The following PACSIN2 variants were observed in gnomAD, a reference collection of about 807,000 sequenced individuals.
PACSIN2 encodes the protein protein kinase C and casein kinase substrate in neurons protein 2.
Under a neutral mutation model 63.8 loss-of-function variants are expected in PACSIN2, and 25 were observed. That is an observed-to-expected ratio of 0.39 (90% CI 0.29 to 0.55). PACSIN2 has a LOEUF of 0.55. Ranked by LOEUF, PACSIN2 falls within the 20% of genes least tolerant of loss-of-function variation. The probability of loss-of-function intolerance (pLI) is 0.62; values close to 1 mark genes in which losing one functional copy is unlikely to be tolerated. For synonymous variants in PACSIN2, 255 were observed against 256.2 expected (o/e 1.00, Z 0.05); for missense variants, 518 against 646.9 (o/e 0.80, Z 2.16).
In PACSIN2 at chr22:42,972,511, A is replaced by AAT. The variant is rs149497437; in HGVS notation, c.-78+42508_-78+42509dup. Among the ~76,000 whole-genome samples, 413 of 150,846 alleles carry AAT rather than the reference A, an allele frequency of 2.7e-3. 3 individuals carry two copies. Among genetic ancestry groups the AAT allele is most frequent in the Non-Finnish European group, 3.8e-3 (256 of 67,592 alleles). On this transcript the variant is annotated intron_variant, in intron 1 of 10. Transcript: ENST00000263246. ...ACCCAAGAATCATCAATAAATACTA[A>AAT]ATATATATATATATATTTTAAACCA...
At chr22:42,899,713 C>T (rs1227245520) in intron 2 of PACSIN2, among the ~76,000 whole-genome samples, 2 of 152,176 alleles carry the variant, frequency 1.3e-5, no homozygotes, top group African/African-American at 4.8e-5. Flanking sequence ...AGAAGTGTTC[C>T]CTTTGGTCCC....
intron 1 of PACSIN2, among the ~76,000 whole-genome samples, chr22:42,927,925 T>TC (rs763038061): frequency 3.3e-5 from 5 of 152,100 alleles, no homozygotes; most frequent in Non-Finnish European, 5.9e-5. Flanking sequence ...CATGTCATGG[T>TC]CCCATACTCC....
chr22:42,924,365 A>G (rs913441541), intron 1 of PACSIN2, among the ~76,000 whole-genome samples: 33 of 152,232 alleles, frequency 2.2e-4, no homozygotes, highest in African/African-American at 7.9e-4. Context: ...AGAACATATT[A>G]ATTTCATACT....
intron 2 of PACSIN2, among the ~76,000 whole-genome samples, chr22:42,902,276 C>T (rs1569245525): frequency 6.6e-6 from 1 of 152,226 alleles, no homozygotes; most frequent in Non-Finnish European, 1.5e-5. Context: ...CGCTTTCTCA[C>T]AGCTGAGGAA....
intron 1 of PACSIN2, among the ~76,000 whole-genome samples, chr22:42,920,934 C>T (rs760958763): frequency 6.6e-6 from 1 of 151,374 alleles, no homozygotes; most frequent in Non-Finnish European, 1.5e-5. Context: ...TCCCCAGTAG[C>T]TAGAACCACA....
At chr22:42,975,775 G>C (rs886480367) in intron 1 of PACSIN2, among the ~76,000 whole-genome samples, 1 of 151,938 alleles carries the variant, frequency 6.6e-6, no homozygotes, top group African/African-American at 2.4e-5. Context: ...CCAGCTAGGA[G>C]GTTGGCTCCC....
rs117935950 is a variant in PACSIN2 at position 42,942,072 on chromosome 22, C to T, written c.-77-29915G>A. Among the ~76,000 whole-genome samples, 662 of 150,458 alleles carry T rather than the reference C, an allele frequency of 4.4e-3. 1 individual carries two copies. Among genetic ancestry groups the T allele is most frequent in the Non-Finnish European group, 7.2e-3 (487 of 67,712 alleles). On this transcript the variant is annotated intron_variant, in intron 1 of 10. Transcript: ENST00000263246. Reference sequence around the variant, plus strand: ...GATTACAGGAGTGAGCCACTGTGTCCGGCCTTTATTATTGAATTTTAAGAG... The same window carrying T: ...GATTACAGGAGTGAGCCACTGTGTCTGGCCTTTATTATTGAATTTTAAGAG...
intron 1 of PACSIN2, among the ~76,000 whole-genome samples, chr22:42,960,583 G>C (rs572342263): frequency 1.6e-4 from 24 of 152,264 alleles, no homozygotes; most frequent in African/African-American, 5.5e-4. Flanking sequence ...AAAGCTTTAG[G>C]TGAGGAGAGA....
At chr22:42,937,922 C>G (rs1474135930) in intron 1 of PACSIN2, among the ~76,000 whole-genome samples, 1 of 152,242 alleles carries the variant, frequency 6.6e-6, no homozygotes, top group Non-Finnish European at 1.5e-5. Context: ...CAATCTCCCA[C>G]TGGAGAACTC....
At chr22:42,981,323 C>T (rs1331784418) in intron 1 of PACSIN2, among the ~76,000 whole-genome samples, 3 of 141,714 alleles carry the variant, frequency 2.1e-5, no homozygotes, top group Admixed American at 6.8e-5. Flanking sequence ...AGCGTCTCCG[C>T]CCGGCAGCCA....
intron 1 of PACSIN2, among the ~76,000 whole-genome samples, chr22:42,947,453 A>AG (rs1933473646): frequency 6.6e-6 from 1 of 152,098 alleles, no homozygotes; most frequent in Non-Finnish European, 1.5e-5. Context: ...ACAAAAGAGG[A>AG]GCGGCCTCTT....
chr22:42,960,309 C>T (rs1051708190), intron 1 of PACSIN2, among the ~76,000 whole-genome samples: 3 of 152,118 alleles, frequency 2.0e-5, no homozygotes, highest in Non-Finnish European at 4.4e-5. Flanking sequence ...CTTACACTGT[C>T]CCTACATGTG....
chr22:42,948,594 T>C lies in PACSIN2; in HGVS notation c.-77-36437A>G, dbSNP rs1057357554. On this transcript the variant is annotated intron_variant, in intron 1 of 10. Transcript: ENST00000263246. ...TTGAGGCTGCAGTGAGCTATGATAG[T>C]GCCTGTGAGTAGCCACTGTACTCCA... Among the ~76,000 whole-genome samples the C allele has an allele frequency of 3.3e-5, 5 of 152,290 alleles. No individual in the cohort carries two copies. The East Asian group carries it at 9.7e-4, about 29-fold the overall frequency.
chr22:42,999,597 C>T (rs745882948), intron 1 of PACSIN2, among the ~76,000 whole-genome samples: 13 of 152,064 alleles, frequency 8.5e-5, no homozygotes, highest in South Asian at 4.1e-4. Flanking sequence ...GAACCCGGGA[C>T]GCGGAGGTTG....
intron 2 of PACSIN2, among the ~76,000 whole-genome samples, chr22:42,899,804 C>T (rs1040333757): frequency 3.3e-5 from 5 of 152,150 alleles, no homozygotes; most frequent in South Asian, 2.1e-4. Context: ...AGGATGTGCG[C>T]GACTACGCCG....
intron 1 of PACSIN2, among the ~76,000 whole-genome samples, chr22:42,996,446 C>T (rs1350447080): frequency 1.3e-5 from 2 of 150,178 alleles, no homozygotes; most frequent in East Asian, 2.0e-4. Context: ...GCAGGAGAAT[C>T]GCCTGAACCC....
intron 1 of PACSIN2, among the ~76,000 whole-genome samples, chr22:43,010,430 CCA>C (rs1294740278): frequency 8.6e-6 from 1 of 116,842 alleles, no homozygotes; most frequent in East Asian, 2.1e-4. Context: ...AAAAGACCGG[CCA>C]GGCACGGTGG....
In PACSIN2 at chr22:42,968,111, C is replaced by T. The variant is rs1920993522; in HGVS notation, c.-78+46910G>A. Among the ~76,000 whole-genome samples, 4 of 152,116 alleles carry T rather than the reference C, an allele frequency of 2.6e-5. No individual in the cohort carries two copies. The South Asian group carries it at 6.2e-4, about 24-fold the overall frequency. ...GCCCACAGTTGCACAGCAATGGTAG[C>T]GCGGGAAGCTGCAACCCTGGCTCCC... On this transcript the variant is annotated intron_variant, in intron 1 of 10. Coordinates refer to ENST00000263246, the MANE Select transcript of PACSIN2 (RefSeq NM_001184970.3).
intron 1 of PACSIN2, among the ~76,000 whole-genome samples, chr22:42,967,660 G>A (rs547839871): frequency 8.7e-4 from 133 of 152,206 alleles, no homozygotes; most frequent in Non-Finnish European, 5.9e-4. Flanking sequence ...AGGCCGAGGC[G>A]GGCGGATCAC....
Sources: allele counts gnomAD v4.1 joint callset (sites outside exome capture counted in the v4.1 genomes callset), GRCh38; gene constraint gnomAD v4.1.1; transcripts MANE v1.5; gene names NCBI Gene and HGNC (gene_info 2026-07-23, HGNC 2026-07-21).